The following CADM3 variants were observed in gnomAD, a reference collection of about 807,000 sequenced individuals.
CADM3 encodes TSLC1-like 1.
A neutral mutation model predicts 44.9 loss-of-function variants in CADM3; 11 were observed. The observed-to-expected ratio is 0.25, with a 90% CI of 0.15 to 0.41. CADM3 has a LOEUF of 0.41. Among genes scored for constraint, CADM3 ranks in the 10% least tolerant of loss-of-function variants. CADM3 has a pLI of 1.00. For synonymous variants in CADM3, 207 were observed against 205.2 expected (o/e 1.01, Z -0.08); for missense variants, 426 against 512.0 (o/e 0.83, Z 1.62).
At chr1:159,185,908 T>A (rs1159075219) in intron 1 of CADM3, among the ~76,000 whole-genome samples, 1 of 152,182 alleles carries the variant, frequency 6.6e-6, no homozygotes, top group Non-Finnish European at 1.5e-5. Context: ...ATCGTTATAA[T>A]TTGGGAGGAA....
At chr1:159,177,618 G>A (rs1649074723) in intron 1 of CADM3, among the ~76,000 whole-genome samples, 1 of 152,046 alleles carries the variant, frequency 6.6e-6, no homozygotes, top group Non-Finnish European at 1.5e-5. Flanking sequence ...CAGGTTCTTG[G>A]TTATGCTCCC....
At chr1:159,186,084 A>T (rs1044364480) in intron 1 of CADM3, among the ~76,000 whole-genome samples, 1 of 152,234 alleles carries the variant, frequency 6.6e-6, no homozygotes, top group Non-Finnish European at 1.5e-5. Flanking sequence ...TAAAGTTTAG[A>T]CATGTGAAGA....
intron 1 of CADM3, among the ~76,000 whole-genome samples, chr1:159,173,213 T>C (rs1006095903): frequency 2.1e-4 from 10 of 47,108 alleles, no homozygotes; most frequent in African/African-American, 5.8e-4. Flanking sequence ...CCAGCAGGGA[T>C]GGGCACAGGG....
intron 1 of CADM3, among the ~76,000 whole-genome samples, chr1:159,179,135 G>A (rs1571006312): frequency 6.6e-6 from 1 of 152,210 alleles, no homozygotes; most frequent in Admixed American, 6.5e-5. Context: ...CTCATGAAGA[G>A]CAGGCAGGTT....
In CADM3 at chr1:159,199,868, G is replaced by A. The variant is rs771266619; in HGVS notation, c.1070G>A (p.Arg357Gln). 21 of 1,613,626 alleles carry A rather than the reference G, an allele frequency of 1.3e-5. No homozygotes were observed. The highest frequency in any genetic ancestry group is 1.6e-4 in the Middle Eastern group (1 of 6,070). The change falls in exon 8 of 9, where the codon CGG becomes CAG. Residue 357 changes from arginine (R) to glutamine (Q), a missense_variant. Arg to Gln is a conservative substitution (Grantham distance 43). Coordinates refer to ENST00000368125, the MANE Select transcript of CADM3 (RefSeq NM_001127173.3). Reference protein sequence around the residue: ...MLIFLGHYLIRHKGTYLTHEA... With the variant: ...MLIFLGHYLIQHKGTYLTHEA... Reference sequence around the variant, plus strand: ...ATCTTCCTTGGCCACTACTTGATCCGGCACAAAGGTCAGAGGCACAAAGAG... The same window carrying A: ...ATCTTCCTTGGCCACTACTTGATCCAGCACAAAGGTCAGAGGCACAAAGAG...
In CADM3 at chr1:159,196,207, T is replaced by C. The variant is rs1571023803; in HGVS notation, c.692-157T>C. 1.7e-5 allele frequency: 10 copies of C among 598,692 alleles called. 1 individual carries two copies. Among genetic ancestry groups the C allele is most frequent in the Non-Finnish European group, 3.0e-5 (10 of 331,624 alleles). The allele number at this position is 598,692 out of a possible 1,614,324, so 37.1% of individuals were successfully genotyped here. A position where few individuals can be genotyped will look rare whatever the true frequency, so the allele number is the denominator to read the frequency against. ...TTGCTCACATATTCAATAGCAATAA[T>C]GGTCCTTGTTCATGAGAAGTAGGAG... On this transcript the variant is annotated intron_variant, in intron 5 of 8. Coordinates refer to ENST00000368125, the MANE Select transcript of CADM3 (RefSeq NM_001127173.3).
Position 159,200,958 on chromosome 1 carries a change from C to G in CADM3, c.*36C>G. ...CCACTTCCTGCGCCCCCCAGGGGCC[C>G]TGTGGGGACTGCTGGGGCCGTCACC... On this transcript the variant is annotated 3_prime_UTR_variant, in exon 9 of 9. Transcript: ENST00000368125. 6.7e-7 allele frequency: 1 copy of G among 1,494,074 alleles called. No individual in the cohort carries two copies. 92.6% of individuals were successfully genotyped at this position (1,494,074 alleles called of 1,614,324 possible).
rs1305552658 is a variant in CADM3, at chr1:159,203,132, T to G, written c.*2210T>G. 6.6e-6 allele frequency: 1 copy of G among 152,458 alleles called. No individual in the cohort carries two copies. Among genetic ancestry groups the G allele is most frequent in the African/African-American group, 2.4e-5 (1 of 41,390 alleles). The allele number at this position is 152,458 out of a possible 1,614,324, so 9.4% of individuals were successfully genotyped here. A position where few individuals can be genotyped will look rare whatever the true frequency, so the allele number is the denominator to read the frequency against. ...AGGGGTCACCCTCAATATATCTGGATTATCCGTGTCATTCAGCTGCCTCCT... is the reference window on the plus strand; with the variant it reads ...AGGGGTCACCCTCAATATATCTGGAGTATCCGTGTCATTCAGCTGCCTCCT... On this transcript the variant is annotated 3_prime_UTR_variant, in exon 9 of 9. Transcript: ENST00000368125.
At chr1:159,171,905 G>A in intron 1 of CADM3, 52 bp downstream of exon 1, 1 of 1,161,610 alleles carries the variant, frequency 8.6e-7, no homozygotes, top group Non-Finnish European at 1.1e-6. Context: ...ACCCGAGGCG[G>A]GGGCTGGGAT....
chr1:159,193,757 TGA>T (rs1649770913), intron 4 of CADM3, 111 bp from the exon 5 acceptor site: 1 of 1,479,118 alleles, frequency 6.8e-7, no homozygotes, highest in Non-Finnish European at 9.3e-7. Context: ...TTATCTAGGT[TGA>T]GACTCACCAT....
intron 1 of CADM3, among the ~76,000 whole-genome samples, chr1:159,188,681 T>A (rs1051073035): frequency 6.6e-6 from 1 of 152,190 alleles, no homozygotes; most frequent in South Asian, 2.1e-4. Context: ...CTGAAAAGAT[T>A]CGCAAGGCCG....
Position 159,192,749 on chromosome 1 carries a change from A to T in CADM3, c.382+19A>T. On this transcript the variant is annotated intron_variant, in intron 3 of 8. Coordinates refer to ENST00000368125, the MANE Select transcript of CADM3 (RefSeq NM_001127173.3). ...GTGCTAGGTGAGACTCCCAAACCCC[A>T]GTGTCTCTACAGCATGCTTCCTTGC... 6.2e-7 allele frequency: 1 copy of T among 1,607,064 alleles called. No individual in the cohort carries two copies. Among genetic ancestry groups the T allele is most frequent in the East Asian group, 2.2e-5 (1 of 44,724 alleles).
chr1:159,197,500 A>C (rs3026996), intron 7 of CADM3: 26,853 of 163,068 alleles, frequency 0.16, 2,923 homozygotes, highest in Non-Finnish European at 0.24. Flanking sequence ...GCCCACCTTA[A>C]GCACAGTGTA....
chr1:159,172,804 AAG>A (rs1331508665), intron 1 of CADM3, among the ~76,000 whole-genome samples: 1 of 151,996 alleles, frequency 6.6e-6, no homozygotes, highest in African/African-American at 2.4e-5. Flanking sequence ...GGACTTGGGG[AAG>A]AGCCCCTCCC....
chr1:159,192,494 C>T, intron 2 of CADM3, 84 bp from the exon 3 acceptor site: 1 of 1,554,672 alleles, frequency 6.4e-7, no homozygotes. Flanking sequence ...GACCCCTTCC[C>T]CCAAAGAAGC....
Position 159,175,840 on chromosome 1 carries a change from C to T in CADM3, c.88+3987C>T, listed in dbSNP as rs796683895. Among the ~76,000 whole-genome samples the T allele has an allele frequency of 9.2e-5, 14 of 152,338 alleles. 1 individual carries two copies. The highest frequency in any genetic ancestry group is 3.4e-4 in the African/African-American group (14 of 41,586). On this transcript the variant is annotated intron_variant, in intron 1 of 8. Transcript: ENST00000368125. ...AGCCATAAAATTCCAGAGACAGCAT[C>T]GCTTTGGCGTTCTGGTTACTTTGAA...
At chr1:159,173,365 C>T (rs997409011) in intron 1 of CADM3, among the ~76,000 whole-genome samples, 1 of 152,110 alleles carries the variant, frequency 6.6e-6, no homozygotes, top group East Asian at 1.9e-4. Flanking sequence ...CTGTCTCCAT[C>T]GTGATAAAGG....
intron 6 of CADM3, 131 bp downstream of exon 6, chr1:159,196,585 A>G (rs1649906238): frequency 1.3e-6 from 1 of 752,724 alleles, no homozygotes; most frequent in African/African-American, 1.7e-5. Flanking sequence ...CTGTCCAATA[A>G]TGTCCGCCTG....
chr1:159,199,734 G>T lies in CADM3; in HGVS notation c.953-17G>T, dbSNP rs1210970953. On this transcript the variant is annotated splice_polypyrimidine_tract_variant and intron_variant, in intron 7 of 8. Coordinates refer to ENST00000368125, the MANE Select transcript of CADM3 (RefSeq NM_001127173.3). ...GCTCTCCCCAGATCTGACTGTGTGTGTTGCCCTTTCTTCCAGACCCCAGTC... is the reference window on the plus strand; with the variant it reads ...GCTCTCCCCAGATCTGACTGTGTGTTTTGCCCTTTCTTCCAGACCCCAGTC... The T allele has an allele frequency of 6.2e-7, 1 of 1,614,120 alleles. No homozygotes were observed. Among genetic ancestry groups the T allele is most frequent in the Admixed American group, 1.7e-5 (1 of 60,024 alleles).
Sources: gnomAD v4.1 joint callset for allele counts (sites outside exome capture counted in the v4.1 genomes callset) on GRCh38, gnomAD v4.1.1 for gene constraint, MANE v1.5 for transcripts, NCBI Gene and HGNC (gene_info 2026-07-23, HGNC 2026-07-21) for gene names.